RBPMS2: variants seen among roughly 807,000 people sequenced by gnomAD.
RBPMS2 encodes RNA-binding protein with multiple splicing 2.
RBPMS2 carries 14 observed loss-of-function variants against 25.7 expected under a neutral mutation model. That is an observed-to-expected ratio of 0.55 (90% CI 0.36 to 0.85). The LOEUF is 0.85. Ranked by LOEUF, RBPMS2 falls within the 40% of genes least tolerant of loss-of-function variation. The pLI is 0.01. For synonymous variants in RBPMS2, 127 were observed against 115.6 expected, an observed-to-expected ratio of 1.10 and a Z score of -0.63; for missense variants, 252 against 283.4, an observed-to-expected ratio of 0.89 and a Z score of 0.80.
chr15:64,769,164 T>G (rs2083873428), intron 1 of RBPMS2, among the ~76,000 whole-genome samples: 1 of 149,440 alleles, frequency 6.7e-6, no homozygotes, highest in South Asian at 2.1e-4. Context: ...GATATAGATT[T>G]TTTAAAAAAG....
chr15:64,759,882 A>G (rs1375181241), intron 1 of RBPMS2, among the ~76,000 whole-genome samples: 2 of 152,214 alleles, frequency 1.3e-5, no homozygotes, highest in African/African-American at 4.8e-5. Flanking sequence ...CATGTTGGCC[A>G]GGATGGTCTT....
intron 1 of RBPMS2, chr15:64,761,232 G>C (rs1381311509): frequency 6.6e-6 from 1 of 152,112 alleles, no homozygotes; most frequent in Non-Finnish European, 1.5e-5. Flanking sequence ...CTTTGGGAAG[G>C]GGGTGAGAAG....
intron 7 of RBPMS2, 51 bp downstream of exon 7, chr15:64,741,122 G>T: frequency 7.1e-7 from 1 of 1,405,552 alleles, no homozygotes; most frequent in South Asian, 1.2e-5. Context: ...CGGCCCTTCA[G>T]GGAGCCGGAG....
intron 1 of RBPMS2, among the ~76,000 whole-genome samples, chr15:64,766,492 A>C (rs1309179093): frequency 6.6e-6 from 1 of 151,636 alleles, no homozygotes; most frequent in Non-Finnish European, 1.5e-5. Flanking sequence ...TGGCATATGA[A>C]GCCTCATAGG....
In RBPMS2 at chr15:64,751,654, A is replaced by G. The variant is rs2083682709; in HGVS notation, c.88-16T>C. 3 of 1,611,548 alleles carry G rather than the reference A, an allele frequency of 1.9e-6. No individual in the cohort carries two copies. The African/African-American group carries it at 4.0e-5, about 22-fold the overall frequency. On this transcript the variant is annotated splice_polypyrimidine_tract_variant and intron_variant, in intron 1 of 7. Coordinates refer to ENST00000300069, the MANE Select transcript of RBPMS2 (RefSeq NM_194272.3). Reference sequence around the variant, plus strand: ...GTGTCCGGACCTGGAGACAGAGACCAGTGATCAGGGCCAGGCTGCCCAAGA... The same window carrying G: ...GTGTCCGGACCTGGAGACAGAGACCGGTGATCAGGGCCAGGCTGCCCAAGA...
chr15:64,761,146 A>C (rs1273895760), intron 1 of RBPMS2: 3 of 152,122 alleles, frequency 2.0e-5, no homozygotes, highest in African/African-American at 7.2e-5. Flanking sequence ...TCAAGTAACG[A>C]ATGCACGTGC....
At chr15:64,755,605 G>A (rs74022319) in intron 1 of RBPMS2, among the ~76,000 whole-genome samples, 2,388 of 152,168 alleles carry the variant, frequency 0.016, 68 homozygotes, top group African/African-American at 0.055. Flanking sequence ...CAGGGGGAGC[G>A]GCACAGGGCA....
At chr15:64,756,717 C>A (rs1428423937) in intron 1 of RBPMS2, among the ~76,000 whole-genome samples, 1 of 150,278 alleles carries the variant, frequency 6.7e-6, no homozygotes, top group Non-Finnish European at 1.5e-5. Context: ...ACTCTGCTCA[C>A]TGCAACCCTG....
chr15:64,770,168 G>C (rs191164576), intron 1 of RBPMS2, among the ~76,000 whole-genome samples: 56 of 152,006 alleles, frequency 3.7e-4, no homozygotes, highest in Admixed American at 8.5e-4. Flanking sequence ...GACATGGCGA[G>C]ACTCCGTCTC....
intron 1 of RBPMS2, among the ~76,000 whole-genome samples, chr15:64,772,977 C>T (rs1476419878): frequency 6.6e-6 from 1 of 152,192 alleles, no homozygotes; most frequent in Non-Finnish European, 1.5e-5. Flanking sequence ...AGCAACCTCA[C>T]TGATAACTCC....
chr15:64,755,627 G>T (rs116533089), intron 1 of RBPMS2, among the ~76,000 whole-genome samples: 1 of 152,134 alleles, frequency 6.6e-6, no homozygotes, highest in Non-Finnish European at 1.5e-5. Flanking sequence ...CCTCATCAGC[G>T]TCATGGGTGG....
At position 64,748,463 on chromosome 15, in the gene RBPMS2, T is replaced by C. The variant is rs1243447249; in HGVS notation, c.523A>G (p.Thr175Ala). ...LTPAISHAAF[T>A]YPTATAAAAA... ...GCAGCGGCAGTGGCAGTTGGGTAGG[T>C]GAACGCAGCATGGGAGATGGCTGGG... The change falls in exon 6 of 8, where the codon ACC becomes GCC. Residue 175 changes from threonine (T) to alanine (A), a missense_variant. By Grantham distance (58) the Thr-to-Ala change is moderately conservative. Transcript: ENST00000300069. 1 of 1,613,854 alleles carries C rather than the reference T, an allele frequency of 6.2e-7. No individual in the cohort carries two copies. The highest frequency in any genetic ancestry group is 1.3e-5 in the African/African-American group (1 of 74,888).
Position 64,748,565 on chromosome 15 carries a change from C to T in RBPMS2, c.421G>A (p.Asp141Asn). 1 of 1,543,002 alleles carries T rather than the reference C, an allele frequency of 6.5e-7. No homozygotes were observed. ...GAHFIARDPY[D>N]LMGAALIPAS... ...GGGATCAGAGCAGCCCCCATCAGGT[C>T]ATCTACAACAGGAGACAATGGCCTC... Residue 141 changes from aspartate (D) to asparagine (N), a missense_variant and splice_region_variant, in exon 6 of 8, where the codon GAC becomes AAC. Physicochemically the swap from Asp to Asn is conservative, Grantham distance 23. Coordinates refer to ENST00000300069, the MANE Select transcript of RBPMS2 (RefSeq NM_194272.3).
At chr15:64,767,583 C>T (rs2083858163) in intron 1 of RBPMS2, among the ~76,000 whole-genome samples, 1 of 152,206 alleles carries the variant, frequency 6.6e-6, no homozygotes, top group African/African-American at 2.4e-5. Flanking sequence ...AGGCTCAGCA[C>T]CCACCAGCCA....
intron 1 of RBPMS2, among the ~76,000 whole-genome samples, chr15:64,754,337 C>T (rs1318155339): frequency 6.6e-6 from 1 of 150,858 alleles, no homozygotes; most frequent in Non-Finnish European, 1.5e-5. Flanking sequence ...AAAGGCTGGG[C>T]GTGGTGGCTT....
chr15:64,771,161 A>T (rs1338817225), intron 1 of RBPMS2, among the ~76,000 whole-genome samples: 1 of 152,242 alleles, frequency 6.6e-6, no homozygotes, highest in Non-Finnish European at 1.5e-5. Flanking sequence ...CCCCCCAGTT[A>T]AAAATTACTT....
intron 5 of RBPMS2, 32 bp from the exon 6 acceptor site, chr15:64,748,599 G>T: frequency 6.6e-7 from 1 of 1,516,702 alleles, no homozygotes; most frequent in Non-Finnish European, 8.8e-7. Flanking sequence ...TCCATCATCA[G>T]AACACTCGCC....
At chr15:64,773,078 C>T (rs1319580410) in intron 1 of RBPMS2, among the ~76,000 whole-genome samples, 1 of 152,208 alleles carries the variant, frequency 6.6e-6, no homozygotes, top group Non-Finnish European at 1.5e-5. Flanking sequence ...CCTTGGTTTC[C>T]TGGGCTTGCT....
chr15:64,748,373 G>T (rs763322172), intron 6 of RBPMS2, 46 bp downstream of exon 6: 12 of 1,595,670 alleles, frequency 7.5e-6, no homozygotes, highest in Non-Finnish European at 1.0e-5. Flanking sequence ...AGTCTGGCCA[G>T]CTAAGAGCCC....
Sources: allele counts gnomAD v4.1 joint callset (sites outside exome capture counted in the v4.1 genomes callset), GRCh38; gene constraint gnomAD v4.1.1; transcripts MANE v1.5; gene names NCBI Gene and HGNC (gene_info 2026-07-23, HGNC 2026-07-21).